RNF14: variants seen among roughly 807,000 people sequenced by gnomAD.
The protein encoded by RNF14 is E3 ubiquitin-protein ligase RNF14.
In RNF14, 26 loss-of-function variants were observed where a neutral mutation model predicts 52.6. The observed-to-expected ratio is 0.49, with a 90% CI of 0.36 to 0.69. The LOEUF (loss-of-function observed/expected upper bound fraction) is 0.69. Among genes scored for constraint, RNF14 ranks in the 30% least tolerant of loss-of-function variants. The pLI, the probability that RNF14 is intolerant of heterozygous loss-of-function variation, is 0.00. For synonymous variants in RNF14, 194 were observed against 202.0 expected (o/e 0.96, Z 0.34); for missense variants, 404 against 560.4 (o/e 0.72, Z 2.82).
the RNF14 span, among the ~76,000 whole-genome samples, chr5:141,950,944 G>T: frequency 6.6e-6 from 1 of 152,172 alleles, no homozygotes; most frequent in East Asian, 1.9e-4. Flanking sequence ...GGGAAACCAA[G>T]GTCCTGAGAG....
upstream of RNF14, chr5:141,957,757 A>G: frequency 6.2e-7 from 1 of 1,612,242 alleles, no homozygotes; most frequent in South Asian, 1.1e-5. This position sits in a 1 kb window ranked among gnomAD's most constrained non-coding sequence, Gnocchi z 4.3. Context: ...TTGGTATTTC[A>G]CCGTGAGAGT....
chr5:141,951,231 A>G, the RNF14 span, among the ~76,000 whole-genome samples: 2 of 152,184 alleles, frequency 1.3e-5, no homozygotes, highest in South Asian at 4.1e-4. Flanking sequence ...GGATGAGGTC[A>G]TTTCCTTGGT....
At chr5:141,949,493 C>A in the RNF14 span, 1 of 1,614,158 alleles carries the variant, frequency 6.2e-7, no homozygotes, top group Non-Finnish European at 8.5e-7. Context: ...CAGAGAGGTC[C>A]TCTTCAGGAT....
upstream of RNF14, among the ~76,000 whole-genome samples, chr5:141,966,646 T>G (rs1364576406): frequency 2.0e-5 from 3 of 152,204 alleles, no homozygotes; most frequent in African/African-American, 7.2e-5. Flanking sequence ...AAAACAAAAC[T>G]TATTAGAAGG....
intron 4 of RNF14, among the ~76,000 whole-genome samples, chr5:141,978,052 C>G (rs1299573095): frequency 6.6e-6 from 1 of 152,216 alleles, no homozygotes; most frequent in African/African-American, 2.4e-5. Flanking sequence ...CTTGCTATTT[C>G]TCTTCTTCTC....
rs1753484860 is a variant in RNF14, at chr5:141,969,118, G to A, written c.-230G>A. 3 of 152,566 alleles carry A rather than the reference G, an allele frequency of 2.0e-5. No individual in the cohort carries two copies. Among genetic ancestry groups the A allele is most frequent in the African/African-American group, 7.2e-5 (3 of 41,580 alleles). 9.5% of individuals were successfully genotyped at this position (152,566 alleles called of 1,614,324 possible). On this transcript the variant is annotated 5_prime_UTR_variant, in exon 1 of 9. Transcript: ENST00000394520. ...CTGACAGCTCCCGAGAACGGAAGAG[G>A]CGGCGCGCCGGTTGAGCAGGGCGTC...
intron 1 of RNF14, among the ~76,000 whole-genome samples, chr5:141,960,850 T>C (rs1026514892): frequency 2.0e-5 from 3 of 152,062 alleles, no homozygotes; most frequent in Non-Finnish European, 4.4e-5. Flanking sequence ...GGGAGCCTAG[T>C]TGAGAGTAAT....
At chr5:141,953,551 A>G (rs1465431174), upstream of RNF14, among the ~76,000 whole-genome samples, 3 of 152,208 alleles carry the variant, frequency 2.0e-5, no homozygotes, top group African/African-American at 7.2e-5. Flanking sequence ...AGATATGAGC[A>G]TTGGGCAAGT....
exon 1 of RNF14, chr5:141,958,414 C>G (rs1753222747): frequency 6.5e-6 from 1 of 153,790 alleles, no homozygotes; most frequent in African/African-American, 2.4e-5. Context: ...AAGGGAGCCT[C>G]TGCATCACCA....
upstream of RNF14, chr5:141,957,877 A>G: frequency 1.3e-6 from 2 of 1,581,570 alleles, no homozygotes; most frequent in Non-Finnish European, 1.7e-6. The surrounding 1 kb of genome is among the most constrained non-coding windows in gnomAD (Gnocchi z 4.3). Context: ...GGCTAGATTC[A>G]GAAACCACTA....
upstream of RNF14, chr5:141,957,900 G>A: frequency 6.4e-7 from 1 of 1,556,674 alleles, no homozygotes; most frequent in Middle Eastern, 1.7e-4. This position sits in a 1 kb window ranked among gnomAD's most constrained non-coding sequence, Gnocchi z 4.3. Flanking sequence ...GTTCTTTCAA[G>A]GCTGGACAAG....
chr5:141,977,054 G>A (rs1378726250), intron 4 of RNF14, among the ~76,000 whole-genome samples: 1 of 152,224 alleles, frequency 6.6e-6, no homozygotes, highest in Non-Finnish European at 1.5e-5. Context: ...GCCTCCCAGA[G>A]TTCTGGGATT....
chr5:141,957,385 A>G (rs1484684676), upstream of RNF14: 2 of 1,613,848 alleles, frequency 1.2e-6, no homozygotes, highest in South Asian at 1.1e-5. The surrounding 1 kb of genome is among the most constrained non-coding windows in gnomAD (Gnocchi z 4.3). Flanking sequence ...AGCTCTGTCC[A>G]GGGGGATCCG....
upstream of RNF14, among the ~76,000 whole-genome samples, chr5:141,954,395 G>A (rs1340823733): frequency 6.6e-6 from 1 of 152,228 alleles, no homozygotes; most frequent in Non-Finnish European, 1.5e-5. Context: ...GAAGTGCTTT[G>A]AGGAAGTAAT....
At chr5:141,978,027 T>A (rs1342103709) in intron 4 of RNF14, among the ~76,000 whole-genome samples, 1 of 152,234 alleles carries the variant, frequency 6.6e-6, no homozygotes, top group African/African-American at 2.4e-5. Flanking sequence ...CAGCTATTTC[T>A]CTACCTTACG....
chr5:141,984,892 T>G lies in RNF14; in HGVS notation c.1326T>G (p.Pro442=), dbSNP rs200081623. Residue 442 remains proline, a synonymous_variant, in exon 8 of 9, where the codon CCT becomes CCG. Coordinates refer to ENST00000394520, the MANE Select transcript of RNF14 (RefSeq NM_004290.5). ...ICMGSLSRAN[P]YKHFNDPGSP... ...TGGGTTCTCTCTCTAGAGCAAACCCTTACAAACATTTCAATGACCCTGGTT... is the reference window on the plus strand; with the variant it reads ...TGGGTTCTCTCTCTAGAGCAAACCCGTACAAACATTTCAATGACCCTGGTT... 7 of 1,613,830 alleles carry G rather than the reference T, an allele frequency of 4.3e-6. No individual in the cohort carries two copies. The African/African-American group carries it at 5.3e-5, about 12-fold the overall frequency.
chr5:141,955,632 G>A (rs1487573941), upstream of RNF14: 3 of 1,614,006 alleles, frequency 1.9e-6, no homozygotes, highest in African/African-American at 2.7e-5. The surrounding 1 kb of genome is among the most constrained non-coding windows in gnomAD (Gnocchi z 5.5). Flanking sequence ...TTTCTGTCCG[G>A]CAGATGGACA....
At chr5:141,957,314 A>T, upstream of RNF14, 3 of 1,613,374 alleles carry the variant, frequency 1.9e-6, no homozygotes, top group Non-Finnish European at 2.5e-6. This position sits in a 1 kb window ranked among gnomAD's most constrained non-coding sequence, Gnocchi z 4.3. Context: ...TCCAAGGCAA[A>T]GTGCTCACTG....
At chr5:141,981,415 G>A (rs1369578147) in intron 6 of RNF14, among the ~76,000 whole-genome samples, 1 of 152,100 alleles carries the variant, frequency 6.6e-6, no homozygotes, top group Admixed American at 6.6e-5. Context: ...GTTGAGACTA[G>A]CTTGGGCAAC....
Sources: allele counts gnomAD v4.1 joint callset (sites outside exome capture counted in the v4.1 genomes callset), GRCh38; gene constraint gnomAD v4.1.1; non-coding constraint Gnocchi (gnomAD v3.1); transcripts MANE v1.5; gene names NCBI Gene and HGNC (gene_info 2026-07-23, HGNC 2026-07-21).